Variants in GPRASP3 observed in about 807,000 individuals in gnomAD.
GPRASP3 encodes G protein-coupled receptor associated sorting protein 3.
the GPRASP3 span, among the ~76,000 whole-genome samples, chrX:102,731,339 A>G: frequency 1.5e-4 from 17 of 112,545 alleles, no homozygotes; most frequent in East Asian, 4.8e-3. Context: ...AAAAGGCTTC[A>G]GGGGCCGGGC....
At chrX:102,745,938 G>C in the GPRASP3 span, 2 of 111,400 alleles carry the variant, frequency 1.8e-5, no homozygotes, top group African/African-American at 6.5e-5. Flanking sequence ...AGAGGGGGGC[G>C]TCGAGCACTT....
the GPRASP3 span, chrX:102,750,718 GCATCTT>G: frequency 1.2e-6 from 1 of 832,559 alleles, no homozygotes; most frequent in Non-Finnish European, 1.6e-6. Flanking sequence ...ATTATACACT[GCATCTT>G]TAACACAGAG....
the GPRASP3 span, among the ~76,000 whole-genome samples, chrX:102,723,452 T>C: frequency 2.7e-5 from 3 of 111,590 alleles, no homozygotes; most frequent in East Asian, 8.4e-4. Context: ...TTTCTTCTCT[T>C]TACTCTCCAG....
chrX:102,728,149 AC>A, the GPRASP3 span, among the ~76,000 whole-genome samples: 48 of 111,897 alleles, frequency 4.3e-4, no homozygotes, highest in African/African-American at 1.4e-3. Context: ...GACATAGACA[AC>A]TTTTCTCTCC....
At chrX:102,746,489 G>T in the GPRASP3 span, among the ~76,000 whole-genome samples, 182 of 112,878 alleles carry the variant, frequency 1.6e-3, 1 homozygote, top group Non-Finnish European at 2.7e-3. Context: ...GGAAAGGGCT[G>T]TGGGGGAGCT....
chrX:102,729,187 G>A, the GPRASP3 span, among the ~76,000 whole-genome samples: 1 of 111,646 alleles, frequency 9.0e-6, no homozygotes, highest in African/African-American at 3.3e-5. Context: ...GAAGGGAACT[G>A]TACTTTTGTG....
At chrX:102,750,189 A>G in the GPRASP3 span, 1 of 1,205,923 alleles carries the variant, frequency 8.3e-7, no homozygotes, top group Non-Finnish European at 1.1e-6. Flanking sequence ...ATGAAAGACA[A>G]CGCAAAATTG....
At chrX:102,722,149 A>G in the GPRASP3 span, among the ~76,000 whole-genome samples, 1 of 111,639 alleles carries the variant, frequency 9.0e-6, no homozygotes, top group African/African-American at 3.3e-5. Flanking sequence ...ACTTCAGACA[A>G]CAGTCACAAG....
At chrX:102,750,053 T>A in the GPRASP3 span, 1 of 1,201,923 alleles carries the variant, frequency 8.3e-7, no homozygotes, top group Non-Finnish European at 1.1e-6. Context: ...GTCCATAATG[T>A]TCACCCATTT....
At chrX:102,730,355 T>C in the GPRASP3 span, among the ~76,000 whole-genome samples, 2 of 112,228 alleles carry the variant, frequency 1.8e-5, no homozygotes, top group Admixed American at 9.4e-5. Flanking sequence ...ATTTACTGGC[T>C]AGCCCGCCAC....
the GPRASP3 span, among the ~76,000 whole-genome samples, chrX:102,740,991 A>G: frequency 8.9e-6 from 1 of 111,748 alleles, no homozygotes; most frequent in Non-Finnish European, 1.9e-5. Flanking sequence ...CACATGGCCA[A>G]TATGTTACCG....
the GPRASP3 span, among the ~76,000 whole-genome samples, chrX:102,738,759 T>TG: frequency 2.7e-5 from 3 of 111,864 alleles, no homozygotes; most frequent in Non-Finnish European, 5.6e-5. Context: ...GTCTCTTATG[T>TG]GAACCCTGAA....
the GPRASP3 span, among the ~76,000 whole-genome samples, chrX:102,741,821 A>G: frequency 8.9e-6 from 1 of 112,339 alleles, no homozygotes; most frequent in Admixed American, 9.4e-5. Flanking sequence ...TGCAGAAACC[A>G]TGCAAGTAAA....
the GPRASP3 span, among the ~76,000 whole-genome samples, chrX:102,730,608 G>C: frequency 7.1e-5 from 8 of 111,964 alleles, no homozygotes; most frequent in African/African-American, 2.6e-4. Flanking sequence ...AATTTTGAGG[G>C]CTTCAATATT....
At chrX:102,750,182 A>G in the GPRASP3 span, 2 of 1,206,136 alleles carry the variant, frequency 1.7e-6, no homozygotes, top group Non-Finnish European at 2.2e-6. Flanking sequence ...TCTGGGGATG[A>G]AAGACAACGC....
the GPRASP3 span, among the ~76,000 whole-genome samples, chrX:102,725,264 A>G: frequency 8.9e-6 from 1 of 112,020 alleles, no homozygotes; most frequent in Non-Finnish European, 1.9e-5. Context: ...CCTGCAGTCA[A>G]GCCCCACTGG....
At chrX:102,726,714 C>T in the GPRASP3 span, among the ~76,000 whole-genome samples, 1 of 112,403 alleles carries the variant, frequency 8.9e-6, no homozygotes, top group African/African-American at 3.2e-5. Context: ...CAGCACAGTC[C>T]CCTGAACTGA....
At chrX:102,741,440 T>C in the GPRASP3 span, among the ~76,000 whole-genome samples, 1 of 112,021 alleles carries the variant, frequency 8.9e-6, no homozygotes. Flanking sequence ...CCTTTTCCAG[T>C]GGAGTGCTCC....
the GPRASP3 span, among the ~76,000 whole-genome samples, chrX:102,721,810 T>G: frequency 7.2e-5 from 8 of 111,292 alleles, no homozygotes; most frequent in Non-Finnish European, 1.5e-4. Context: ...TTTGCTCTCT[T>G]GTGTTGTGAT....
Sources: gnomAD v4.1 joint callset for allele counts (sites outside exome capture counted in the v4.1 genomes callset) on GRCh38, gnomAD v4.1.1 for gene constraint, MANE v1.5 for transcripts, NCBI Gene and HGNC (gene_info 2026-07-23, HGNC 2026-07-21) for gene names.